The following GRM1 variants were observed in gnomAD, a reference collection of about 807,000 sequenced individuals.
GRM1 encodes metabotropic glutamate receptor 1.
A neutral mutation model predicts 90.9 loss-of-function variants in GRM1; 33 were observed. That is an observed-to-expected ratio of 0.36 (90% confidence interval 0.28 to 0.49). The LOEUF (loss-of-function observed/expected upper bound fraction) is 0.49. GRM1 is among the 20% of genes least tolerant of loss of function. The pLI, the probability that GRM1 is intolerant of heterozygous loss-of-function variation, is 0.99. For synonymous variants in GRM1, 700 were observed against 613.2 expected, an observed-to-expected ratio of 1.14 and a Z score of -2.09; for missense variants, 1,190 against 1,534.3, an observed-to-expected ratio of 0.78 and a Z score of 3.75.
intron 2 of GRM1, among the ~76,000 whole-genome samples, chr6:146,181,975 A>C (rs1251953581): frequency 6.6e-6 from 1 of 152,194 alleles, no homozygotes; most frequent in Non-Finnish European, 1.5e-5. Context: ...GATCATTAAA[A>C]AGGAAAAGCA....
Position 146,131,886 on chromosome 6 carries a change from G to A in GRM1, c.701-27462G>A, listed in dbSNP as rs550048975. Among the ~76,000 whole-genome samples, 266 of 152,288 alleles carry A rather than the reference G, an allele frequency of 1.7e-3. 2 individuals carry two copies. Among genetic ancestry groups the A allele is most frequent in the African/African-American group, 5.9e-3 (244 of 41,566 alleles). ...GGAGTGTGGTGAAGAAGCCAAGATA[G>A]GGGCCACTTTATATAGGATGGCCAA... On this transcript the variant is annotated intron_variant, in intron 1 of 7. Transcript: ENST00000282753.
At chr6:146,276,898 C>T (rs530979678) in intron 2 of GRM1, among the ~76,000 whole-genome samples, 4 of 152,060 alleles carry the variant, frequency 2.6e-5, no homozygotes, top group South Asian at 4.2e-4. Context: ...CCCATGAGCT[C>T]GAGACCAGCC....
chr6:146,366,500 CT>C (rs1775694116), intron 5 of GRM1, among the ~76,000 whole-genome samples: 1 of 152,122 alleles, frequency 6.6e-6, no homozygotes, highest in South Asian at 2.1e-4. Context: ...CACCCCTCTC[CT>C]TTCCCCTTCC....
intron 7 of GRM1, among the ~76,000 whole-genome samples, chr6:146,405,571 T>C (rs1032160728): frequency 6.6e-6 from 1 of 152,212 alleles, no homozygotes; most frequent in Non-Finnish European, 1.5e-5. Flanking sequence ...GGTTTGTTTC[T>C]GGTGAAGGCT....
chr6:146,311,024 C>G (rs953201352), intron 3 of GRM1, among the ~76,000 whole-genome samples: 2 of 152,170 alleles, frequency 1.3e-5, no homozygotes, highest in African/African-American at 4.8e-5. Context: ...CTTTGTAATC[C>G]ATGGAGCAAT....
chr6:146,172,730 A>G (rs1306696969), intron 2 of GRM1, among the ~76,000 whole-genome samples: 2 of 152,232 alleles, frequency 1.3e-5, no homozygotes, highest in Admixed American at 1.3e-4. Context: ...ACAAGGCAGC[A>G]TATGAGTCTT....
intron 2 of GRM1, among the ~76,000 whole-genome samples, chr6:146,180,251 T>A (rs1344634924): frequency 6.6e-6 from 1 of 152,022 alleles, no homozygotes; most frequent in Non-Finnish European, 1.5e-5. Flanking sequence ...TAACTTCTTT[T>A]AATATTATAG....
intron 1 of GRM1, among the ~76,000 whole-genome samples, chr6:146,111,947 CT>C (rs1477152029): frequency 6.6e-6 from 1 of 152,218 alleles, no homozygotes; most frequent in Non-Finnish European, 1.5e-5. Context: ...ACATCATTAA[CT>C]TCTCAAATAC....
At chr6:146,188,265 C>CT (rs1015206542) in intron 2 of GRM1, among the ~76,000 whole-genome samples, 7 of 152,104 alleles carry the variant, frequency 4.6e-5, no homozygotes, top group African/African-American at 1.7e-4. Context: ...GTCTACACAT[C>CT]TTTTTTTCTA....
At chr6:146,047,467 G>A (rs570617763) in intron 1 of GRM1, among the ~76,000 whole-genome samples, 30 of 151,586 alleles carry the variant, frequency 2.0e-4, no homozygotes, top group Non-Finnish European at 3.8e-4. Context: ...TTTGCAGCTA[G>A]AGTTGCAGCC....
intron 7 of GRM1, among the ~76,000 whole-genome samples, chr6:146,414,721 T>A (rs973544360): frequency 1.3e-5 from 2 of 152,238 alleles, no homozygotes; most frequent in African/African-American, 2.4e-5. Flanking sequence ...TTATTAATCG[T>A]ATAATCTGGA....
At chr6:146,275,717 T>A (rs1048778456) in intron 2 of GRM1, among the ~76,000 whole-genome samples, 1 of 152,144 alleles carries the variant, frequency 6.6e-6, no homozygotes, top group African/African-American at 2.4e-5. Flanking sequence ...CTCTAAACAT[T>A]TTTTCTCATT....
At chr6:146,181,966 A>G (rs1778567263) in intron 2 of GRM1, among the ~76,000 whole-genome samples, 1 of 152,160 alleles carries the variant, frequency 6.6e-6, no homozygotes, top group South Asian at 2.1e-4. Flanking sequence ...AAAATAAGAG[A>G]TCATTAAAAA....
chr6:146,304,940 T>C (rs1183915304), intron 3 of GRM1, 94 bp downstream of exon 3: 3 of 905,452 alleles, frequency 3.3e-6, no homozygotes, highest in Non-Finnish European at 5.5e-6. Context: ...GTGCCAGGGC[T>C]AGAGATCCAA....
rs113309622 is a variant in GRM1 at position 146,219,907 on chromosome 6, T to TTGTG, written c.950+60332_950+60335dup. On this transcript the variant is annotated intron_variant, in intron 2 of 7. Transcript: ENST00000282753. ...CTCCAATAAAATGAATCTTGTTGTT[T>TTGTG]TGTGTGTGTGTGTGTGTGTGTGTGT... Among the ~76,000 whole-genome samples, 1,215 of 148,488 alleles carry TTGTG rather than the reference T, an allele frequency of 8.2e-3. 10 individuals carry two copies. The highest frequency in any genetic ancestry group is 0.027 in the African/African-American group (1,094 of 40,684).
intron 2 of GRM1, among the ~76,000 whole-genome samples, chr6:146,283,254 C>T (rs1169723045): frequency 3.3e-5 from 5 of 152,142 alleles, no homozygotes; most frequent in Admixed American, 3.3e-4. Context: ...TTTAAACTGC[C>T]AATTTTTGTG....
intron 3 of GRM1, among the ~76,000 whole-genome samples, chr6:146,348,925 G>A (rs1785276579): frequency 6.6e-6 from 1 of 152,162 alleles, no homozygotes; most frequent in South Asian, 2.1e-4. Flanking sequence ...TTGGATCCAG[G>A]TTATACCACA....
chr6:146,078,643 A>G (rs533904805), intron 1 of GRM1, among the ~76,000 whole-genome samples: 1 of 152,330 alleles, frequency 6.6e-6, no homozygotes, highest in East Asian at 1.9e-4. Flanking sequence ...ATACTTGGGT[A>G]AAATTGTTCT....
chr6:146,357,482 TTA>T (rs750458105), intron 4 of GRM1, 42 bp from the exon 5 acceptor site: 1 of 1,490,448 alleles, frequency 6.7e-7, no homozygotes, highest in South Asian at 1.1e-5. Flanking sequence ...GTTTTCTACA[TTA>T]TGTCTATATT....
Sources: gnomAD v4.1 joint callset for allele counts (sites outside exome capture counted in the v4.1 genomes callset) on GRCh38, gnomAD v4.1.1 for gene constraint, MANE v1.5 for transcripts, NCBI Gene and HGNC (gene_info 2026-07-23, HGNC 2026-07-21) for gene names.